The following VSTM2L variants were observed in gnomAD, a reference collection of about 807,000 sequenced individuals.
The protein encoded by VSTM2L is V-set and transmembrane domain-containing protein 2-like protein.
VSTM2L carries 9 observed loss-of-function variants against 19.9 expected under a neutral mutation model. The ratio of observed to expected loss-of-function variants is 0.45; its 90% CI spans 0.27 to 0.79. The LOEUF is 0.79. Ranked by LOEUF, VSTM2L falls within the 30% of genes least tolerant of loss-of-function variation. The pLI is 0.15. For missense variants in VSTM2L, 286 were observed against 295.5 expected (o/e 0.97, Z 0.24); for synonymous variants, 127 against 133.8 (o/e 0.95, Z 0.35).
chr20:37,914,200 CATGT>C, intron 1 of VSTM2L, among the ~76,000 whole-genome samples: 1 of 145,962 alleles, frequency 6.9e-6, no homozygotes, highest in East Asian at 2.1e-4. Context: ...GTGGTGTGTG[CATGT>C]ATGTGTGTGT....
chr20:37,910,073 C>T (rs1054776603), intron 1 of VSTM2L, among the ~76,000 whole-genome samples: 7 of 152,220 alleles, frequency 4.6e-5, no homozygotes, highest in Non-Finnish European at 8.8e-5. Flanking sequence ...CCCCAGGGCC[C>T]GCAACAAGAT....
intron 1 of VSTM2L, among the ~76,000 whole-genome samples, chr20:37,903,963 AC>A (rs2072737221): frequency 6.6e-6 from 1 of 152,062 alleles, no homozygotes; most frequent in African/African-American, 2.4e-5. Context: ...GCACACACAC[AC>A]AGGCACACAC....
intron 1 of VSTM2L, among the ~76,000 whole-genome samples, chr20:37,906,767 TC>T (rs1247718872): frequency 4.6e-5 from 7 of 152,164 alleles, no homozygotes; most frequent in African/African-American, 1.7e-4. Context: ...CCAAGCTTTC[TC>T]CCTTCTAGCT....
Position 37,903,485 on chromosome 20 carries a change from C to T in VSTM2L, c.121+14C>T. 1 of 1,467,452 alleles carries T rather than the reference C, an allele frequency of 6.8e-7. No homozygotes were observed. Among genetic ancestry groups the T allele is most frequent in the African/African-American group, 1.5e-5 (1 of 68,070 alleles). The allele number at this position is 1,467,452 out of a possible 1,614,324, so 90.9% of individuals were successfully genotyped here. Reference sequence around the variant, plus strand: ...TCTCCGGCCACGGTGAGTTCGGTCGCCGCCCCCGCGGACTTCCCCACCAAA... The same window carrying T: ...TCTCCGGCCACGGTGAGTTCGGTCGTCGCCCCCGCGGACTTCCCCACCAAA... On this transcript the variant is annotated intron_variant, in intron 1 of 3. Coordinates refer to ENST00000373461, the MANE Select transcript of VSTM2L (RefSeq NM_080607.3).
intron 1 of VSTM2L, among the ~76,000 whole-genome samples, chr20:37,913,011 G>C (rs762091527): frequency 2.0e-5 from 3 of 151,280 alleles, no homozygotes; most frequent in Non-Finnish European, 2.9e-5. Flanking sequence ...CCTTTCTCTC[G>C]GGTATGCACA....
At chr20:37,932,445 A>G (rs928045143) in intron 2 of VSTM2L, among the ~76,000 whole-genome samples, 5 of 152,058 alleles carry the variant, frequency 3.3e-5, no homozygotes, top group African/African-American at 1.2e-4. Flanking sequence ...CCTGCTGGCC[A>G]TCAAGGCAAG....
chr20:37,916,287 C>T (rs1023251936), intron 1 of VSTM2L, among the ~76,000 whole-genome samples: 1 of 152,190 alleles, frequency 6.6e-6, no homozygotes, highest in Admixed American at 6.5e-5. Flanking sequence ...TGCCTGCTCC[C>T]GGCTCCTGGC....
At chr20:37,942,070 A>G (rs1386600837) in intron 3 of VSTM2L, among the ~76,000 whole-genome samples, 1 of 152,182 alleles carries the variant, frequency 6.6e-6, no homozygotes, top group Admixed American at 6.5e-5. Context: ...CTTTATATTC[A>G]GGGCAGATTT....
chr20:37,913,094 C>T (rs1417243996), intron 1 of VSTM2L, among the ~76,000 whole-genome samples: 1 of 152,178 alleles, frequency 6.6e-6, no homozygotes, highest in Non-Finnish European at 1.5e-5. Flanking sequence ...CCACACAGAG[C>T]AGGCACTCAG....
At chr20:37,938,218 G>GA (rs1568843365) in intron 3 of VSTM2L, among the ~76,000 whole-genome samples, 3 of 152,208 alleles carry the variant, frequency 2.0e-5, no homozygotes, top group Non-Finnish European at 4.4e-5. Context: ...GAGGAGGTCA[G>GA]TGGGTTCAGG....
At chr20:37,923,918 T>C (rs180750798) in intron 1 of VSTM2L, among the ~76,000 whole-genome samples, 4 of 152,164 alleles carry the variant, frequency 2.6e-5, no homozygotes, top group African/African-American at 9.7e-5. Flanking sequence ...CATAGCATCA[T>C]GGTGGGAACA....
intron 1 of VSTM2L, among the ~76,000 whole-genome samples, chr20:37,904,161 C>T (rs376203229): frequency 7.9e-5 from 12 of 152,282 alleles, no homozygotes; most frequent in African/African-American, 2.6e-4. Context: ...CTGCAGCCTC[C>T]CAGTTGGGCG....
intron 3 of VSTM2L, among the ~76,000 whole-genome samples, 187 bp downstream of exon 3, chr20:37,933,776 T>C (rs1261757571): frequency 6.6e-6 from 1 of 152,206 alleles, no homozygotes; most frequent in Non-Finnish European, 1.5e-5. Context: ...CATTCAATGA[T>C]GGGCACAAAA....
intron 1 of VSTM2L, among the ~76,000 whole-genome samples, chr20:37,923,400 A>G (rs539781450): frequency 4.6e-5 from 7 of 152,340 alleles, no homozygotes; most frequent in South Asian, 2.1e-4. Flanking sequence ...GCCTGGGGTT[A>G]ATTAATACAT....
At chr20:37,914,947 C>T (rs1015686356) in intron 1 of VSTM2L, among the ~76,000 whole-genome samples, 4 of 152,144 alleles carry the variant, frequency 2.6e-5, no homozygotes, top group African/African-American at 7.2e-5. Context: ...GGAGAGCTGA[C>T]GGCGGGGTGT....
At chr20:37,930,528 T>G (rs1473224412) in intron 1 of VSTM2L, among the ~76,000 whole-genome samples, 1 of 152,080 alleles carries the variant, frequency 6.6e-6, no homozygotes, top group African/African-American at 2.4e-5. Context: ...AGGGCGATAA[T>G]CTCTCCTGAG....
At chr20:37,918,737 T>C (rs2072833948) in intron 1 of VSTM2L, among the ~76,000 whole-genome samples, 1 of 152,096 alleles carries the variant, frequency 6.6e-6, no homozygotes, top group Non-Finnish European at 1.5e-5. Flanking sequence ...GGTATGCCCT[T>C]TTCTGTTCTG....
At chr20:37,916,903 C>T (rs564308315) in intron 1 of VSTM2L, among the ~76,000 whole-genome samples, 79 of 152,064 alleles carry the variant, frequency 5.2e-4, no homozygotes, top group Non-Finnish European at 9.6e-4. Context: ...TTGAGGTTGC[C>T]AGGGGTTAGG....
In VSTM2L at chr20:37,914,212, T is replaced by C. The variant is rs374192525; in HGVS notation, c.121+10741T>C. On this transcript the variant is annotated intron_variant, in intron 1 of 3. Coordinates refer to ENST00000373461, the MANE Select transcript of VSTM2L (RefSeq NM_080607.3). ...TGTGTGGTGTGTGCATGTATGTGTG[T>C]GTATATTGTGTGGTGTGCATGTATA... 4.0e-5 allele frequency among the ~76,000 whole-genome samples: 6 copies of C among 150,672 alleles called. No homozygotes were observed. In the East Asian group the frequency reaches 1.2e-3, roughly 30 times the overall value.
Sources: gnomAD v4.1 joint callset for allele counts (sites outside exome capture counted in the v4.1 genomes callset) on GRCh38, gnomAD v4.1.1 for gene constraint, MANE v1.5 for transcripts, NCBI Gene and HGNC (gene_info 2026-07-23, HGNC 2026-07-21) for gene names.